The following C11orf65 variants were observed in gnomAD, a reference collection of about 807,000 sequenced individuals.
C11orf65 encodes the protein chromosome 11 open reading frame 65.
C11orf65 carries 38 observed loss-of-function variants against 35.3 expected under a neutral mutation model. The ratio of observed to expected loss-of-function variants is 1.08; its 90% CI spans 0.83 to 1.41. The LOEUF is 1.41. C11orf65 is among the 40% of genes most tolerant of loss of function. The pLI is 0.00. For synonymous variants in C11orf65, 105 were observed against 114.4 expected, an observed-to-expected ratio of 0.92 and a Z score of 0.53; for missense variants, 370 against 367.1, an observed-to-expected ratio of 1.01 and a Z score of -0.06.
At position 108,321,287 on chromosome 11, in the gene C11orf65, T is replaced by C. The variant is rs1380071831; in HGVS notation, c.641-12216A>G. 1 of 1,613,928 alleles carries C rather than the reference T, an allele frequency of 6.2e-7. No homozygotes were observed. Among genetic ancestry groups the C allele is most frequent in the South Asian group, 1.1e-5 (1 of 91,076 alleles). ...TTCTTTATTTTCAGAGTGTCTTTTC[T>C]TTTTTGCTACTAGAGTAAAAGAAGT... On this transcript the variant is annotated intron_variant, in intron 6 of 6. Coordinates refer to the C11orf65 transcript ENST00000525729.
intron 3 of C11orf65, among the ~76,000 whole-genome samples, chr11:108,418,412 C>T (rs971211853): frequency 6.6e-6 from 1 of 151,912 alleles, no homozygotes; most frequent in African/African-American, 2.4e-5. Context: ...GGCTAATTTC[C>T]AAATTAAATA....
chr11:108,393,199 T>TG lies in C11orf65; in HGVS notation c.731+8dup. On this transcript the variant is annotated intron_variant, in intron 7 of 8. Coordinates refer to ENST00000393084, the MANE Select transcript of C11orf65 (RefSeq NM_152587.5). Reference sequence around the variant, plus strand: ...CCCTTGTTCCCCAAGAATAGCAACATGTACTTACTCATCAAAGTTCAGTGT... The same window carrying TG: ...CCCTTGTTCCCCAAGAATAGCAACATGGTACTTACTCATCAAAGTTCAGTGT... 1 of 1,612,278 alleles carries TG rather than the reference T, an allele frequency of 6.2e-7. No homozygotes were observed. The highest frequency in any genetic ancestry group is 8.5e-7 in the Non-Finnish European group (1 of 1,178,922).
At chr11:108,468,199 C>T (rs1020613482), upstream of C11orf65, among the ~76,000 whole-genome samples, 2 of 152,184 alleles carry the variant, frequency 1.3e-5, no homozygotes, top group Non-Finnish European at 2.9e-5. Context: ...ATCCTTCTAG[C>T]TATTTGACAG....
At chr11:108,325,214 TATA>T (rs2085523252) in intron 6 of C11orf65, 7 of 834,082 alleles carry the variant, frequency 8.4e-6, no homozygotes, top group Middle Eastern at 3.3e-4. Context: ...TTTGTATTAT[TATA>T]ATATTATATC....
In C11orf65 at chr11:108,427,753, A is replaced by G. The variant is rs2092926012; in HGVS notation, c.174+3993T>C. ...AAAAAAAAAAAAAAAAAAGCTCATCATTACTGGTCATTAGAGAAATGCAAA... is the reference window on the plus strand; with the variant it reads ...AAAAAAAAAAAAAAAAAAGCTCATCGTTACTGGTCATTAGAGAAATGCAAA... On this transcript the variant is annotated intron_variant, in intron 3 of 8. Transcript: ENST00000393084. Among the ~76,000 whole-genome samples the G allele has an allele frequency of 8.5e-5, 12 of 140,718 alleles. No homozygotes were observed. In the South Asian group the frequency reaches 2.6e-3, roughly 31 times the overall value. The allele number at this position is 140,718 out of a possible 152,430, so 92.3% of individuals were successfully genotyped here. A position where few individuals can be genotyped will look rare whatever the true frequency, so the allele number is the denominator to read the frequency against.
Position 108,335,169 on chromosome 11 carries a change from A to G in C11orf65, c.299+51T>C, listed in dbSNP as rs1340279471. The G allele has an allele frequency of 4.3e-6, 7 of 1,610,688 alleles. No individual in the cohort carries two copies. The East Asian group carries it at 1.6e-4, about 36-fold the overall frequency. On this transcript the variant is annotated intron_variant, in intron 3 of 3. Transcript: ENST00000524755. ...TTTTAGTGATGAAAATTTTTAGTTC[A>G]TATTTTCTTTCTGCTTTATTTGGGA...
At chr11:108,356,540 T>TAAAA (rs374615780) in intron 2 of C11orf65, among the ~76,000 whole-genome samples, 1 of 97,766 alleles carries the variant, frequency 1.0e-5, no homozygotes, top group East Asian at 3.0e-4. Flanking sequence ...CTGTCTGTCT[T>TAAAA]AAAAAAAAAA....
chr11:108,391,183 C>T (rs72992117), intron 7 of C11orf65, among the ~76,000 whole-genome samples: 16,221 of 152,104 alleles, frequency 0.11, 1,213 homozygotes, highest in Non-Finnish European at 0.15. Context: ...TCTTTACTTA[C>T]ACTATCTTCA....
In C11orf65 at chr11:108,317,675, T is replaced by A. The variant is rs1241585666; in HGVS notation, c.641-8604A>T. On this transcript the variant is annotated intron_variant, in intron 6 of 6. Coordinates refer to the C11orf65 transcript ENST00000525729. ...TATACACACACACACACACACACAC[T>A]ATATATATATACATACCATATATAT... Among the ~76,000 whole-genome samples the A allele has an allele frequency of 6.7e-3, 853 of 127,516 alleles. 15 individuals carry two copies. The highest frequency in any genetic ancestry group is 0.025 in the African/African-American group (811 of 32,256). 83.7% of individuals were successfully genotyped at this position (127,516 alleles called of 152,430 possible).
chr11:108,364,266 T>G (rs564473365), intron 2 of C11orf65, among the ~76,000 whole-genome samples: 32 of 152,316 alleles, frequency 2.1e-4, no homozygotes, highest in African/African-American at 7.7e-4. Context: ...GAATCATTCT[T>G]TATATTGTCT....
At chr11:108,333,747 A>G in intron 3 of C11orf65, 1 of 767,906 alleles carries the variant, frequency 1.3e-6, no homozygotes, top group African/African-American at 1.7e-5. Flanking sequence ...GCCAAAGCCC[A>G]GAGTCTTCAT....
At chr11:108,440,512 T>C (rs1019700836) in intron 2 of C11orf65, among the ~76,000 whole-genome samples, 2 of 152,164 alleles carry the variant, frequency 1.3e-5, no homozygotes, top group Non-Finnish European at 2.9e-5. Flanking sequence ...TTATTGGGCA[T>C]GGAATATAAA....
chr11:108,360,233 A>C (rs1339266684), intron 2 of C11orf65, among the ~76,000 whole-genome samples: 3 of 147,162 alleles, frequency 2.0e-5, no homozygotes, highest in Non-Finnish European at 4.5e-5. Flanking sequence ...ACACTCTCCC[A>C]AGACTAAACC....
At chr11:108,450,361 C>T (rs890993587) in intron 2 of C11orf65, among the ~76,000 whole-genome samples, 9 of 151,700 alleles carry the variant, frequency 5.9e-5, no homozygotes, top group African/African-American at 2.2e-4. Context: ...ATAGCAAAGA[C>T]TTGGAACTAA....
intron 3 of C11orf65, among the ~76,000 whole-genome samples, chr11:108,412,260 T>C (rs1813795663): frequency 1.3e-5 from 2 of 151,390 alleles, no homozygotes; most frequent in Non-Finnish European, 2.9e-5. Flanking sequence ...TGAAATCGTA[T>C]AAAATGCTCA....
intron 6 of C11orf65, chr11:108,317,652 T>TATACACAC (rs1399501257): frequency 9.3e-5 from 11 of 118,380 alleles, no homozygotes; most frequent in African/African-American, 4.5e-4. Context: ...TATATATATA[T>TATACACAC]ACACACACAC....
rs558150168 is a variant in C11orf65, at chr11:108,425,572, A to C, written c.174+6174T>G. Among the ~76,000 whole-genome samples the C allele has an allele frequency of 7.2e-5, 11 of 152,322 alleles. No homozygotes were observed. In the South Asian group the frequency reaches 2.3e-3, roughly 32 times the overall value. ...CAGCTGAATTCTACCAGAGATACAAAGAGGAGCTGGTACCATTCCTTCTGA... is the reference window on the plus strand; with the variant it reads ...CAGCTGAATTCTACCAGAGATACAACGAGGAGCTGGTACCATTCCTTCTGA... On this transcript the variant is annotated intron_variant, in intron 3 of 8. Transcript: ENST00000393084.
At chr11:108,314,196 A>T (rs762998392) in intron 6 of C11orf65, among the ~76,000 whole-genome samples, 2 of 152,048 alleles carry the variant, frequency 1.3e-5, no homozygotes, top group Non-Finnish European at 2.9e-5. Context: ...ACACACTGCA[A>T]GCTCTGCCTC....
rs1238719985 is a variant in C11orf65, at chr11:108,425,318, C to T, written c.174+6428G>A. The stretch of plus-strand genomic sequence containing the variant: ...CAATAAAAAATGATAAAGATGATAT[C>T]ACCACTGATCCCAGAGAAATACAAA... On this transcript the variant is annotated intron_variant, in intron 3 of 8. Transcript: ENST00000393084. Among the ~76,000 whole-genome samples, 4 of 152,242 alleles carry T rather than the reference C, an allele frequency of 2.6e-5. No individual in the cohort carries two copies. In the East Asian group the frequency reaches 7.7e-4, roughly 29 times the overall value.
Sources: allele counts gnomAD v4.1 joint callset (sites outside exome capture counted in the v4.1 genomes callset), GRCh38; gene constraint gnomAD v4.1.1; transcripts MANE v1.5; gene names NCBI Gene and HGNC (gene_info 2026-07-23, HGNC 2026-07-21).